CR2: variants seen among roughly 807,000 people sequenced by gnomAD.
CR2 encodes complement receptor type 2.
Under a neutral mutation model 123.0 loss-of-function variants are expected in CR2, and 96 were observed. The ratio of observed to expected loss-of-function variants is 0.78; its 90% CI spans 0.66 to 0.93. The LOEUF (loss-of-function observed/expected upper bound fraction) is 0.93. Among genes scored for constraint, CR2 ranks in the 40% least tolerant of loss-of-function variants. The pLI, the probability that CR2 is intolerant of heterozygous loss-of-function variation, is 0.00. For missense variants in CR2, 1,258 were observed against 1,361.0 expected, an observed-to-expected ratio of 0.92 and a Z score of 1.19; for synonymous variants, 484 against 469.5, an observed-to-expected ratio of 1.03 and a Z score of -0.40.
chr1:207,479,221 C>G (rs373798141), intron 16 of CR2, 36 bp from the exon 17 acceptor site: 5 of 1,530,022 alleles, frequency 3.3e-6, no homozygotes, highest in Non-Finnish European at 4.5e-6. Context: ...TGACACTATA[C>G]TGATAATCAT....
rs1279001900 is a variant in CR2, at chr1:207,454,752, C to G, written c.58+276C>G. ...GTGTGGCTGGCGGCGTGCGGGTGCTCGCGGTCTCCTGCCGGGCTCCCCGCC... is the reference window on the plus strand; with the variant it reads ...GTGTGGCTGGCGGCGTGCGGGTGCTGGCGGTCTCCTGCCGGGCTCCCCGCC... On this transcript the variant is annotated intron_variant, in intron 1 of 19. Transcript: ENST00000367057. The surrounding 1 kb of genome is among the most constrained non-coding windows in gnomAD (Gnocchi z 4.3). The G allele has an allele frequency of 4.9e-6, 2 of 409,866 alleles. No homozygotes were observed. The highest frequency in any genetic ancestry group is 8.7e-6 in the Non-Finnish European group (2 of 229,656). The allele number at this position is 409,866 out of a possible 1,614,324, so 25.4% of individuals were successfully genotyped here. A position where few individuals can be genotyped will look rare whatever the true frequency, so the allele number is the denominator to read the frequency against.
intron 1 of CR2, among the ~76,000 whole-genome samples, chr1:207,463,681 T>C (rs1658020082): frequency 6.6e-6 from 1 of 152,200 alleles, no homozygotes; most frequent in Non-Finnish European, 1.5e-5. Flanking sequence ...ATGTGCAGGA[T>C]GTGCAGTTTT....
chr1:207,478,030 G>A lies in CR2; in HGVS notation c.3048G>A (p.Ser1016=), dbSNP rs145934194. ...GCAGTCCCCAGAGCCAGTGCCAATC[G>A]GATCACCAATGGAACCCTCCCCTGG... ...LEGSPQSQCQ[S]DHQWNPPLAV... The change falls in exon 16 of 20, where the codon TCG becomes TCA. Residue 1016 remains serine, a synonymous_variant. Transcript: ENST00000367057. 32 of 1,613,878 alleles carry A rather than the reference G, an allele frequency of 2.0e-5. No individual in the cohort carries two copies. The highest frequency in any genetic ancestry group is 1.3e-4 in the African/African-American group (10 of 74,924).
intron 18 of CR2, among the ~76,000 whole-genome samples, chr1:207,480,907 T>A (rs1658585344): frequency 6.8e-6 from 1 of 147,344 alleles, no homozygotes; most frequent in Non-Finnish European, 1.5e-5. Flanking sequence ...ATTTTTAGAA[T>A]CATTTATAAT....
At chr1:207,485,156 G>A (rs925743160) in intron 18 of CR2, among the ~76,000 whole-genome samples, 1 of 152,198 alleles carries the variant, frequency 6.6e-6, no homozygotes, top group Non-Finnish European at 1.5e-5. Context: ...GTGGGCACAG[G>A]GAGGGAAACA....
chr1:207,475,078 A>G lies in CR2; in HGVS notation c.2578A>G (p.Lys860Glu), dbSNP rs373514640. Residue 860 changes from lysine to glutamate, a missense_variant, in exon 14 of 20, where the codon AAA becomes GAA. Coordinates refer to ENST00000367057, the MANE Select transcript of CR2 (RefSeq NM_001006658.3). ...PEVKHGYKLN[K>E]THSAYSHNDI... ...AGTCAAACATGGGTACAAGCTCAATAAAACACATTCTGCATATTCCCACAA... is the reference window on the plus strand; with the variant it reads ...AGTCAAACATGGGTACAAGCTCAATGAAACACATTCTGCATATTCCCACAA... 54 of 1,612,954 alleles carry G rather than the reference A, an allele frequency of 3.3e-5. No homozygotes were observed. Among genetic ancestry groups the G allele is most frequent in the Non-Finnish European group, 4.5e-5 (53 of 1,179,276 alleles).
rs774384017 is a variant in CR2, at chr1:207,470,084, G to A, written c.1207G>A (p.Ala403Thr). 4 of 1,613,736 alleles carry A rather than the reference G, an allele frequency of 2.5e-6. No homozygotes were observed. The East Asian group carries it at 6.7e-5, about 27-fold the overall frequency. ...CNAQGTWEPSAPVCEKECQAP... is the reference protein window; with the variant it reads ...CNAQGTWEPSTPVCEKECQAP... ...TGCCCAAGGCACATGGGAGCCATCT[G>A]CACCAGTCTGTGAAAAGGGTGAGTG... The change falls in exon 6 of 20, where the codon GCA becomes ACA. Residue 403 changes from alanine to threonine, a missense_variant. By Grantham distance (58) the Ala-to-Thr change is moderately conservative. Coordinates refer to ENST00000367057, the MANE Select transcript of CR2 (RefSeq NM_001006658.3).
chr1:207,468,563 A>T lies in CR2; in HGVS notation c.482A>T (p.His161Leu). Residue 161 changes from histidine (H) to leucine (L), a missense_variant, in exon 3 of 20, where the codon CAC (histidine) becomes CTC (leucine). Physicochemically the swap from His to Leu is moderately conservative, Grantham distance 99. Coordinates refer to ENST00000367057, the MANE Select transcript of CR2 (RefSeq NM_001006658.3). Reference protein sequence around the residue: ...PLECPALPMIHNGHHTSENVG... With the variant: ...PLECPALPMILNGHHTSENVG... ...GAGTGTCCAGCACTTCCTATGATCC[A>T]CAATGGACATCACACAAGTGAGAAT... The T allele has an allele frequency of 6.2e-7, 1 of 1,613,958 alleles. No individual in the cohort carries two copies. Among genetic ancestry groups the T allele is most frequent in the Non-Finnish European group, 8.5e-7 (1 of 1,179,922 alleles).
Position 207,470,068 on chromosome 1 carries a change from C to A in CR2, c.1191C>A (p.Gly397=). Reference sequence around the variant, plus strand: ...AGCAAATCCGATGCAATGCCCAAGGCACATGGGAGCCATCTGCACCAGTCT... The same window carrying A: ...AGCAAATCCGATGCAATGCCCAAGGAACATGGGAGCCATCTGCACCAGTCT... ...GSKQIRCNAQ[G]TWEPSAPVCE... Residue 397 remains glycine, a synonymous_variant, in exon 6 of 20, where the codon GGC becomes GGA. Transcript: ENST00000367057. The A allele has an allele frequency of 6.2e-7, 1 of 1,613,876 alleles. No homozygotes were observed. The highest frequency in any genetic ancestry group is 8.5e-7 in the Non-Finnish European group (1 of 1,179,880).
At chr1:207,460,052 C>T (rs185310053) in intron 1 of CR2, among the ~76,000 whole-genome samples, 9 of 152,096 alleles carry the variant, frequency 5.9e-5, no homozygotes, top group Non-Finnish European at 1.5e-5. Context: ...CTGATTAAAT[C>T]GTGTAAATTT....
At chr1:207,466,372 G>A (rs1190989243) in intron 1 of CR2, among the ~76,000 whole-genome samples, 154 bp from the exon 2 acceptor site, 1 of 152,182 alleles carries the variant, frequency 6.6e-6, no homozygotes, top group Non-Finnish European at 1.5e-5. Context: ...AAGAATTTAG[G>A]AGTTTGGGAG....
In CR2 at chr1:207,489,443, G is replaced by C. The variant is rs1256474572; in HGVS notation, c.*320G>C. ...CTTTTTAAGGAAGGCACTAAAAAGA[G>C]CTGTCCTGGTATCTAGACCCATCTT... On this transcript the variant is annotated 3_prime_UTR_variant, in exon 20 of 20. Transcript: ENST00000367057. 2 of 152,200 alleles carry C rather than the reference G, an allele frequency of 1.3e-5. No individual in the cohort carries two copies. The highest frequency in any genetic ancestry group is 2.9e-5 in the Non-Finnish European group (2 of 68,032). 9.4% of individuals were successfully genotyped at this position (152,200 alleles called of 1,614,324 possible).
At chr1:207,457,106 T>C (rs944195877) in intron 1 of CR2, among the ~76,000 whole-genome samples, 4 of 152,224 alleles carry the variant, frequency 2.6e-5, no homozygotes, top group Admixed American at 6.5e-5. Context: ...CTTCCTTATT[T>C]ATGTACCTGT....
intron 9 of CR2, among the ~76,000 whole-genome samples, chr1:207,472,229 A>G (rs1354568644): frequency 2.6e-5 from 4 of 152,160 alleles, no homozygotes; most frequent in African/African-American, 4.8e-5. Flanking sequence ...AGCCTAGGCA[A>G]CAGCGTGAGA....
chr1:207,479,193 T>G, intron 16 of CR2, 64 bp from the exon 17 acceptor site: 1 of 1,256,382 alleles, frequency 8.0e-7, no homozygotes, highest in Non-Finnish European at 1.2e-6. Flanking sequence ...CCATGAAACG[T>G]GGGGCTACAT....
chr1:207,465,527 A>ATAT (rs1284522347), intron 1 of CR2, among the ~76,000 whole-genome samples: 2 of 152,224 alleles, frequency 1.3e-5, no homozygotes, highest in Non-Finnish European at 2.9e-5. Context: ...AGTTGAGTAT[A>ATAT]TATTATACTG....
chr1:207,480,846 C>T (rs984935962), intron 18 of CR2, among the ~76,000 whole-genome samples: 1 of 152,034 alleles, frequency 6.6e-6, no homozygotes, highest in African/African-American at 2.4e-5. Flanking sequence ...ATTCACACTA[C>T]AATTTTATAG....
Position 207,473,079 on chromosome 1 carries a change from G to A in CR2, c.1878G>A (p.Val626=), listed in dbSNP as rs764169935. ...CCCCATATTTCTACAATGACACTGTGACATTCAAGTGTTATAGTGGATTTA... is the reference window on the plus strand; with the variant it reads ...CCCCATATTTCTACAATGACACTGTAACATTCAAGTGTTATAGTGGATTTA... The part of the protein sequence containing the change: ...KEAPYFYNDT[V]TFKCYSGFTL... The change falls in exon 10 of 20, where the codon GTG becomes GTA. Residue 626 remains valine, a synonymous_variant. Coordinates refer to ENST00000367057, the MANE Select transcript of CR2 (RefSeq NM_001006658.3). The A allele has an allele frequency of 1.9e-6, 3 of 1,613,992 alleles. No individual in the cohort carries two copies. The highest frequency in any genetic ancestry group is 1.7e-6 in the Non-Finnish European group (2 of 1,179,894).
rs758938753 is a variant in CR2, at chr1:207,475,036, C to T, written c.2536C>T (p.Arg846Cys). Reference sequence around the variant, plus strand: ...GTGCTTACGATCTCCTCCTGTGACTCGCTGCCCTAATCCAGAAGTCAAACA... The same window carrying T: ...GTGCTTACGATCTCCTCCTGTGACTTGCTGCCCTAATCCAGAAGTCAAACA... ...PQCLRSPPVTRCPNPEVKHGY... is the reference protein window; with the variant it reads ...PQCLRSPPVTCCPNPEVKHGY... Residue 846 changes from arginine (R) to cysteine (C), a missense_variant, in exon 14 of 20, where the codon CGC becomes TGC. Transcript: ENST00000367057. 52 of 1,613,986 alleles carry T rather than the reference C, an allele frequency of 3.2e-5. No homozygotes were observed. The highest frequency in any genetic ancestry group is 4.3e-5 in the Non-Finnish European group (51 of 1,179,898).
Sources: allele counts gnomAD v4.1 joint callset (sites outside exome capture counted in the v4.1 genomes callset), GRCh38; gene constraint gnomAD v4.1.1; non-coding constraint Gnocchi (gnomAD v3.1); transcripts MANE v1.5; gene names NCBI Gene and HGNC (gene_info 2026-07-23, HGNC 2026-07-21).